The following SCN1A variants were observed in gnomAD, a reference collection of about 807,000 sequenced individuals.
SCN1A encodes sodium voltage-gated channel alpha subunit 1.
SCN1A carries 13 observed loss-of-function variants against 193.7 expected under a neutral mutation model. That is an observed-to-expected ratio of 0.07 (90% CI 0.04 to 0.11). The LOEUF is 0.11. Among genes scored for constraint, SCN1A ranks in the 10% least tolerant of loss-of-function variants. SCN1A has a pLI of 1.00. For synonymous variants in SCN1A, 781 were observed against 843.6 expected (o/e 0.93, Z 1.29); for missense variants, 1,432 against 2,451.1 (o/e 0.58, Z 8.78).
At chr2:166,147,036 C>T (rs1398833403) in intron 1 of SCN1A, among the ~76,000 whole-genome samples, 2 of 152,104 alleles carry the variant, frequency 1.3e-5, no homozygotes, top group Admixed American at 1.3e-4. Flanking sequence ...GCATGCCTCA[C>T]AGTCACCTGG....
intron 8 of SCN1A, among the ~76,000 whole-genome samples, 185 bp downstream of exon 8, chr2:166,052,667 A>G (rs1387331531): frequency 2.0e-5 from 3 of 151,798 alleles, no homozygotes; most frequent in Admixed American, 2.0e-4. Flanking sequence ...ACCTCAAATT[A>G]CAGTATCTCA....
At chr2:166,110,400 A>C (rs1265970318) in intron 2 of SCN1A, among the ~76,000 whole-genome samples, 2 of 152,136 alleles carry the variant, frequency 1.3e-5, no homozygotes, top group African/African-American at 4.8e-5. Context: ...TAAAAGTGCT[A>C]CTCCAGTGAA....
intron 17 of SCN1A, 133 bp from the exon 18 acceptor site, chr2:166,038,265 G>T: frequency 2.7e-6 from 2 of 741,338 alleles, no homozygotes; most frequent in Non-Finnish European, 4.3e-6. Flanking sequence ...TCAGGCTCAT[G>T]GCTAATTTTT....
intron 19 of SCN1A, among the ~76,000 whole-genome samples, chr2:166,026,179 C>G (rs890185879): frequency 1.3e-5 from 2 of 151,952 alleles, no homozygotes; most frequent in Admixed American, 6.6e-5. Flanking sequence ...AGATAATATA[C>G]AGTCATATTT....
intron 4 of SCN1A, among the ~76,000 whole-genome samples, chr2:166,072,449 A>G (rs1684526138): frequency 6.6e-6 from 1 of 152,210 alleles, no homozygotes; most frequent in Non-Finnish European, 1.5e-5. Context: ...TCTTCAGGTT[A>G]TGACATTTTT....
rs58394206 is a variant in SCN1A, at chr2:166,103,068, G to GATATATAT, written c.-142+23848_-142+23855dup. On this transcript the variant is annotated intron_variant, in intron 2 of 28. Coordinates refer to ENST00000674923, the MANE Select transcript of SCN1A (RefSeq NM_001165963.4). ...TTCAAGCCTGACTTTAGATTTGGGA[G>GATATATAT]ATATATATATATATATATGACGGTT... Among the ~76,000 whole-genome samples the GATATATAT allele has an allele frequency of 8.1e-3, 1,208 of 149,024 alleles. 7 individuals are homozygous for GATATATAT. The highest frequency in any genetic ancestry group is 0.014 in the South Asian group (68 of 4,690).
chr2:166,064,046 G>A (rs1477217522), intron 4 of SCN1A, among the ~76,000 whole-genome samples: 3 of 152,052 alleles, frequency 2.0e-5, no homozygotes, highest in African/African-American at 7.2e-5. Flanking sequence ...AAGTTATATA[G>A]AAAAATTGGT....
chr2:166,003,334 G>A (rs1005863316), intron 23 of SCN1A, among the ~76,000 whole-genome samples: 2 of 151,416 alleles, frequency 1.3e-5, no homozygotes, highest in African/African-American at 4.8e-5. Context: ...TATTTCATTA[G>A]ATCATCACAT....
chr2:166,128,234 C>T (rs1255689290), upstream of SCN1A, among the ~76,000 whole-genome samples: 1 of 151,850 alleles, frequency 6.6e-6, no homozygotes, highest in Non-Finnish European at 1.5e-5. Flanking sequence ...CTTTCATTCC[C>T]TATTGCTATA....
rs1388759366 is a variant in SCN1A, at chr2:166,088,494, A to G, written c.-141-10693T>C. Among the ~76,000 whole-genome samples, 3 of 152,170 alleles carry G rather than the reference A, an allele frequency of 2.0e-5. No individual in the cohort carries two copies. In the East Asian group the frequency reaches 5.8e-4, roughly 29 times the overall value. ...TCAATATGTTTTCTAACATTTCTTA[A>G]GTGCTGAGAAAATTTTCCTTTTTGT... On this transcript the variant is annotated intron_variant, in intron 2 of 28. Transcript: ENST00000674923.
intron 19 of SCN1A, among the ~76,000 whole-genome samples, chr2:166,035,635 T>A (rs1457656071): frequency 6.6e-6 from 1 of 152,192 alleles, no homozygotes; most frequent in African/African-American, 2.4e-5. Flanking sequence ...CCTAGTCTAC[T>A]TTAAACATGC....
At chr2:166,123,223 C>CAAAAAAAAAAAAAA (rs57488795) in intron 2 of SCN1A, among the ~76,000 whole-genome samples, 9 of 116,398 alleles carry the variant, frequency 7.7e-5, no homozygotes, top group Non-Finnish European at 1.0e-4. Context: ...CATTCATTTG[C>CAAAAAAAAAAAAAA]AAAAAAAAAA....
intron 9 of SCN1A, among the ~76,000 whole-genome samples, chr2:166,050,967 G>A (rs1253581589): frequency 6.6e-6 from 1 of 151,674 alleles, no homozygotes. Context: ...TTTCCCCAGT[G>A]TACTATACAG....
At chr2:166,113,183 G>A (rs956361869) in intron 2 of SCN1A, among the ~76,000 whole-genome samples, 1 of 152,188 alleles carries the variant, frequency 6.6e-6, no homozygotes, top group East Asian at 1.9e-4. Context: ...CACTCAACTG[G>A]CTGTCAGACA....
chr2:165,999,879 T>A, intron 24 of SCN1A, 103 bp from the exon 25 acceptor site: 1 of 949,210 alleles, frequency 1.1e-6, no homozygotes, highest in Non-Finnish European at 1.7e-6. Flanking sequence ...GGAATATTTT[T>A]GAAAGACATT....
intron 5 of SCN1A, among the ~76,000 whole-genome samples, chr2:166,057,028 C>T (rs954180102): frequency 2.6e-5 from 4 of 152,032 alleles, no homozygotes; most frequent in South Asian, 4.1e-4. Flanking sequence ...TCTATTTTGA[C>T]TGAGTTTATA....
chr2:166,071,173 C>T (rs571582303), intron 4 of SCN1A, among the ~76,000 whole-genome samples: 5 of 152,238 alleles, frequency 3.3e-5, no homozygotes, highest in East Asian at 3.9e-4. Context: ...TCATTTTAAA[C>T]GAATTAAAAT....
intron 19 of SCN1A, among the ~76,000 whole-genome samples, chr2:166,019,086 T>C (rs1012230501): frequency 6.6e-6 from 1 of 152,172 alleles, no homozygotes; most frequent in Admixed American, 6.5e-5. Context: ...ATAGTGTTAC[T>C]TCTCCAAATT....
intron 2 of SCN1A, among the ~76,000 whole-genome samples, chr2:166,114,997 C>A (rs1033877444): frequency 6.6e-6 from 1 of 152,028 alleles, no homozygotes; most frequent in Non-Finnish European, 1.5e-5. Context: ...TCTATAATAT[C>A]AATGCATTCC....
Sources: gnomAD v4.1 joint callset for allele counts (sites outside exome capture counted in the v4.1 genomes callset) on GRCh38, gnomAD v4.1.1 for gene constraint, MANE v1.5 for transcripts, NCBI Gene and HGNC (gene_info 2026-07-23, HGNC 2026-07-21) for gene names.